STK33: variants seen among roughly 807,000 people sequenced by gnomAD.
STK33 encodes the protein serine/threonine-protein kinase 33.
STK33 carries 52 observed loss-of-function variants against 58.0 expected under a neutral mutation model. The observed-to-expected ratio is 0.90, with a 90% CI of 0.72 to 1.13. The LOEUF (loss-of-function observed/expected upper bound fraction) is 1.13, where lower values mean the gene tolerates loss of function less well. Ranked by LOEUF, STK33 falls within the 50% of genes most tolerant of loss-of-function variation. The probability of loss-of-function intolerance (pLI) is 0.00; values close to 1 mark genes in which losing one functional copy is unlikely to be tolerated. For synonymous variants in STK33, 215 were observed against 200.1 expected (o/e 1.07, Z -0.63); for missense variants, 630 against 604.2 (o/e 1.04, Z -0.45).
the STK33 span, among the ~76,000 whole-genome samples, chr11:8,339,511 G>A: frequency 4.6e-5 from 7 of 152,246 alleles, no homozygotes; most frequent in African/African-American, 1.4e-4. Flanking sequence ...TTCCTGACCC[G>A]TGTGAAGCCT....
In STK33 at chr11:8,413,182, C is replaced by T. The variant is rs529290340; in HGVS notation, c.1344+313G>A. 1.4e-4 allele frequency among the ~76,000 whole-genome samples: 21 copies of T among 152,260 alleles called. No individual in the cohort carries two copies. In the East Asian group the frequency reaches 2.7e-3, roughly 20 times the overall value. ...CATTTGTTGTCTATGGCTGTTTTCA[C>T]GCTACAACGTCAGAGATGAGTAGTT... On this transcript the variant is annotated intron_variant, in intron 15 of 15. Coordinates refer to ENST00000687296, the MANE Select transcript of STK33 (RefSeq NM_001352389.2).
intron 1 of STK33, among the ~76,000 whole-genome samples, chr11:8,586,469 C>T (rs1274994494): frequency 6.6e-6 from 1 of 152,080 alleles, no homozygotes; most frequent in Non-Finnish European, 1.5e-5. Flanking sequence ...AAGTGCTCTC[C>T]TCCATCTCCC....
At chr11:8,346,306 G>T in the STK33 span, among the ~76,000 whole-genome samples, 8 of 152,228 alleles carry the variant, frequency 5.3e-5, no homozygotes, top group African/African-American at 1.9e-4. Context: ...AGGTGACCCT[G>T]CGGGGTGGGA....
At chr11:8,356,999 G>C in the STK33 span, among the ~76,000 whole-genome samples, 3 of 152,216 alleles carry the variant, frequency 2.0e-5, no homozygotes, top group Non-Finnish European at 2.9e-5. Context: ...ATTAAATGAA[G>C]GTGGAGGCGC....
At chr11:8,336,907 T>C in the STK33 span, among the ~76,000 whole-genome samples, 2 of 152,220 alleles carry the variant, frequency 1.3e-5, no homozygotes, top group African/African-American at 4.8e-5. Flanking sequence ...CCGAGGCCGG[T>C]AATGAGGATC....
At chr11:8,548,257 T>C (rs543258906) in intron 1 of STK33, among the ~76,000 whole-genome samples, 212 of 152,292 alleles carry the variant, frequency 1.4e-3, no homozygotes, top group Middle Eastern at 6.8e-3. Flanking sequence ...TACATTTAAA[T>C]CTTTAATGCA....
At chr11:8,495,185 C>G (rs1213180114) in intron 1 of STK33, among the ~76,000 whole-genome samples, 1 of 152,056 alleles carries the variant, frequency 6.6e-6, no homozygotes, top group Admixed American at 6.6e-5. Context: ...AAAATTTTTA[C>G]AATCTACCCA....
intron 1 of STK33, among the ~76,000 whole-genome samples, chr11:8,530,469 GA>G (rs778232392): frequency 7.4e-5 from 11 of 149,612 alleles, no homozygotes; most frequent in Non-Finnish European, 1.2e-4. Context: ...AAAATAGGGG[GA>G]AAAAAATCTA....
chr11:8,397,548 G>A (rs968683090), intron 15 of STK33, among the ~76,000 whole-genome samples: 2 of 152,102 alleles, frequency 1.3e-5, no homozygotes, highest in East Asian at 1.9e-4. Flanking sequence ...TCTAAAAATC[G>A]GAGCACCTCT....
downstream of STK33, among the ~76,000 whole-genome samples, chr11:8,387,534 A>G (rs1848560303): frequency 6.6e-6 from 1 of 152,188 alleles, no homozygotes. Flanking sequence ...GAACTGATAC[A>G]CGTAACGTGC....
intron 1 of STK33, among the ~76,000 whole-genome samples, chr11:8,528,100 A>G (rs1954209014): frequency 6.6e-6 from 1 of 152,204 alleles, no homozygotes; most frequent in East Asian, 1.9e-4. Flanking sequence ...ATTGAGAAAG[A>G]AAAGTGGCTC....
At chr11:8,384,223 G>T in the STK33 span, among the ~76,000 whole-genome samples, 1 of 152,136 alleles carries the variant, frequency 6.6e-6, no homozygotes. Flanking sequence ...TATAACCAAG[G>T]AATAACCAGC....
At chr11:8,471,363 T>G (rs1948759867) in intron 6 of STK33, among the ~76,000 whole-genome samples, 1 of 152,200 alleles carries the variant, frequency 6.6e-6, no homozygotes. Flanking sequence ...GAAAACAGTT[T>G]CTTATTTCTA....
At chr11:8,568,696 T>A (rs1957605776) in intron 1 of STK33, among the ~76,000 whole-genome samples, 1 of 152,182 alleles carries the variant, frequency 6.6e-6, no homozygotes, top group Non-Finnish European at 1.5e-5. Flanking sequence ...GCCCTGAACA[T>A]TTCCCTAATA....
intron 11 of STK33, among the ~76,000 whole-genome samples, chr11:8,447,486 G>A (rs565255780): frequency 6.6e-5 from 10 of 150,698 alleles, no homozygotes; most frequent in South Asian, 4.2e-4. Flanking sequence ...TTCAACATAC[G>A]CAAATCAATA....
At chr11:8,451,399 A>G (rs1281647675) in intron 11 of STK33, among the ~76,000 whole-genome samples, 4 of 152,222 alleles carry the variant, frequency 2.6e-5, no homozygotes, top group Admixed American at 6.5e-5. Flanking sequence ...ACTATTCAAC[A>G]ATATAGAAGA....
rs772957571 is a variant in STK33, at chr11:8,474,697, G to T, written c.209C>A (p.Thr70Asn). Residue 70 changes from threonine (T) to asparagine (N), a missense_variant, in exon 5 of 16, where the codon ACC becomes AAC. Thr to Asn is a moderately conservative substitution (Grantham distance 65, BLOSUM62 0). Coordinates refer to ENST00000687296, the MANE Select transcript of STK33 (RefSeq NM_001352389.2). ...GATATTTACCAAATCTTTCCTGGAGGTTATATCTCTGTTGATATTTTTTTC... is the reference window on the plus strand; with the variant it reads ...GATATTTACCAAATCTTTCCTGGAGTTTATATCTCTGTTGATATTTTTTTC... Reference protein sequence around the residue: ...KKEKNINRDITSRKDLPSRTS... With the variant: ...KKEKNINRDINSRKDLPSRTS... The T allele has an allele frequency of 3.7e-6, 6 of 1,609,194 alleles. No homozygotes were observed. Among genetic ancestry groups the T allele is most frequent in the Non-Finnish European group, 5.1e-6 (6 of 1,178,332 alleles).
At chr11:8,395,983 T>C (rs767902494) in intron 15 of STK33, among the ~76,000 whole-genome samples, 14 of 152,222 alleles carry the variant, frequency 9.2e-5, no homozygotes, top group Non-Finnish European at 2.9e-5. Flanking sequence ...AATACAGTCA[T>C]CCATATTTTA....
At chr11:8,424,309 G>A (rs1421158291) in intron 14 of STK33, among the ~76,000 whole-genome samples, 2 of 133,860 alleles carry the variant, frequency 1.5e-5, no homozygotes, top group African/African-American at 5.4e-5. Flanking sequence ...CCCTACAAAG[G>A]ACATGAACTC....
Sources: gnomAD v4.1 joint callset for allele counts (sites outside exome capture counted in the v4.1 genomes callset) on GRCh38, gnomAD v4.1.1 for gene constraint, MANE v1.5 for transcripts, NCBI Gene and HGNC (gene_info 2026-07-23, HGNC 2026-07-21) for gene names.